KCTD10: variants seen among roughly 807,000 people sequenced by gnomAD.
KCTD10 encodes potassium channel tetramerization domain containing 10.
A neutral mutation model predicts 34.6 loss-of-function variants in KCTD10; 13 were observed. That is an observed-to-expected ratio of 0.38 (90% CI 0.24 to 0.60). KCTD10 has a LOEUF of 0.60. KCTD10 is among the 20% of genes least tolerant of loss of function. KCTD10 has a pLI of 0.66. For missense variants in KCTD10, 256 were observed against 420.3 expected (o/e 0.61, Z 3.42); for synonymous variants, 156 against 168.8 (o/e 0.92, Z 0.59).
At chr12:109,463,626 C>T (rs1873456326) in intron 2 of KCTD10, among the ~76,000 whole-genome samples, 2 of 152,110 alleles carry the variant, frequency 1.3e-5, no homozygotes, top group East Asian at 1.9e-4. Flanking sequence ...CAGAACTGAC[C>T]GGGACCACAC....
At chr12:109,452,171 A>G (rs1367778496) in intron 6 of KCTD10, among the ~76,000 whole-genome samples, 5 of 152,238 alleles carry the variant, frequency 3.3e-5, no homozygotes, top group African/African-American at 1.2e-4. Flanking sequence ...ACAGAGTTGT[A>G]CATGTCTTCC....
chr12:109,452,591 A>G (rs891645171), intron 6 of KCTD10, among the ~76,000 whole-genome samples: 3 of 152,342 alleles, frequency 2.0e-5, no homozygotes, highest in East Asian at 1.9e-4. Context: ...CACTGACACT[A>G]CAAAGCCAGA....
chr12:109,456,053 A>T, intron 6 of KCTD10, 65 bp downstream of exon 6: 2 of 1,487,070 alleles, frequency 1.3e-6, no homozygotes, highest in Non-Finnish European at 1.9e-6. Context: ...GGCTCAAGTG[A>T]AAGGAAGTTC....
intron 2 of KCTD10, among the ~76,000 whole-genome samples, chr12:109,467,446 C>T (rs1313410646): frequency 1.3e-5 from 2 of 151,972 alleles, no homozygotes; most frequent in Non-Finnish European, 2.9e-5. Flanking sequence ...ATAGTGAGGC[C>T]CCATCTCCAG....
rs1279393747 is a variant in KCTD10 at position 109,469,669 on chromosome 12, G to A, written c.63C>T (p.Thr21=). The A allele has an allele frequency of 6.2e-7, 1 of 1,614,222 alleles. No homozygotes were observed. The highest frequency in any genetic ancestry group is 2.2e-5 in the East Asian group (1 of 44,886). ...SSAVPAAATR[T]TSFKGTSPSS... ...TGGGGCTCGTGCCCTTGAAGGAAGT[G>A]GTGCGGGTAGCAGCCGCTGGCACCG... Residue 21 remains threonine (T), a synonymous_variant, in exon 2 of 7, where the codon ACC becomes ACT. Transcript: ENST00000228495.
Position 109,450,710 on chromosome 12 carries a change from A to C in KCTD10, c.*885T>G. On this transcript the variant is annotated 3_prime_UTR_variant, in exon 7 of 7. Transcript: ENST00000228495. ...GAGGAGCGGGATCCCAGGGAGGGGTAGTTTATGAGCTATGCCTGTCACAGG... is the reference window on the plus strand; with the variant it reads ...GAGGAGCGGGATCCCAGGGAGGGGTCGTTTATGAGCTATGCCTGTCACAGG... The C allele has an allele frequency of 4.7e-6, 1 of 212,622 alleles. No homozygotes were observed. Among genetic ancestry groups the C allele is most frequent in the Non-Finnish European group, 9.3e-6 (1 of 107,598 alleles). The allele number at this position is 212,622 out of a possible 1,614,324, so 13.2% of individuals were successfully genotyped here.
intron 6 of KCTD10, among the ~76,000 whole-genome samples, chr12:109,452,823 G>C (rs1029711271): frequency 4.3e-5 from 6 of 139,522 alleles, no homozygotes; most frequent in African/African-American, 1.7e-4. Flanking sequence ...GAGAGGCTGG[G>C]AGGAAATCCT....
intron 1 of KCTD10, among the ~76,000 whole-genome samples, chr12:109,474,071 G>A (rs193166254): frequency 1.2e-4 from 19 of 152,056 alleles, no homozygotes; most frequent in East Asian, 7.8e-4. Flanking sequence ...GTGAGCCACC[G>A]CGACTGGCTA....
intron 6 of KCTD10, among the ~76,000 whole-genome samples, chr12:109,452,145 C>G (rs1872805385): frequency 1.3e-5 from 2 of 152,312 alleles, no homozygotes; most frequent in Non-Finnish European, 1.5e-5. Flanking sequence ...AAAAAACACA[C>G]AAGGTGGCCC....
At chr12:109,472,948 A>G (rs947454736) in intron 1 of KCTD10, among the ~76,000 whole-genome samples, 4 of 152,158 alleles carry the variant, frequency 2.6e-5, no homozygotes, top group African/African-American at 9.7e-5. Flanking sequence ...TGTAGCCCCC[A>G]CTCCAATCAA....
chr12:109,456,582 C>T, intron 5 of KCTD10: 1 of 482,504 alleles, frequency 2.1e-6, no homozygotes, highest in Non-Finnish European at 3.8e-6. Flanking sequence ...CCTGAGTGCT[C>T]CTAACCATTG....
intron 6 of KCTD10, among the ~76,000 whole-genome samples, chr12:109,453,330 C>T (rs1266066476): frequency 1.3e-5 from 2 of 151,802 alleles, no homozygotes; most frequent in African/African-American, 2.4e-5. Flanking sequence ...GTTTAGACTA[C>T]AGGCACACAC....
At chr12:109,453,556 A>G (rs1872879888) in intron 6 of KCTD10, among the ~76,000 whole-genome samples, 1 of 152,134 alleles carries the variant, frequency 6.6e-6, no homozygotes. Flanking sequence ...AGACTGCAGG[A>G]GTCAAAACTC....
chr12:109,452,374 G>A (rs986111502), intron 6 of KCTD10, among the ~76,000 whole-genome samples: 1 of 152,194 alleles, frequency 6.6e-6, no homozygotes, highest in African/African-American at 2.4e-5. Flanking sequence ...GGGTCCAGCT[G>A]GGGACTCCCA....
chr12:109,455,443 T>C (rs1398596062), intron 6 of KCTD10: 2 of 152,108 alleles, frequency 1.3e-5, no homozygotes, highest in African/African-American at 4.8e-5. Context: ...TGATTTCTTC[T>C]CATTTGCTTT....
At chr12:109,470,503 T>C in intron 1 of KCTD10, 2 of 985,460 alleles carry the variant, frequency 2.0e-6, no homozygotes, top group Non-Finnish European at 2.4e-6. Context: ...GTGAGATTGG[T>C]ATCCGGCACA....
At chr12:109,474,065 G>C (rs2135685330) in intron 1 of KCTD10, among the ~76,000 whole-genome samples, 1 of 151,934 alleles carries the variant, frequency 6.6e-6, no homozygotes, top group East Asian at 1.9e-4. Flanking sequence ...ACAGGTGTGA[G>C]CCACCGCGAC....
chr12:109,454,846 G>A (rs1872942178), intron 6 of KCTD10, among the ~76,000 whole-genome samples: 1 of 152,130 alleles, frequency 6.6e-6, no homozygotes, highest in African/African-American at 2.4e-5. Context: ...GAAACAGTTG[G>A]GATCAGACCA....
chr12:109,469,768 G>A, intron 1 of KCTD10, 40 bp from the exon 2 acceptor site: 1 of 1,607,166 alleles, frequency 6.2e-7, no homozygotes, highest in Non-Finnish European at 8.5e-7. Flanking sequence ...CATCAGGCCT[G>A]GTTGACTGCT....
Sources: allele counts gnomAD v4.1 joint callset (sites outside exome capture counted in the v4.1 genomes callset), GRCh38; gene constraint gnomAD v4.1.1; transcripts MANE v1.5; gene names NCBI Gene and HGNC (gene_info 2026-07-23, HGNC 2026-07-21).